The following DSCAML1 variants were observed in gnomAD, a reference collection of about 807,000 sequenced individuals.
The protein encoded by DSCAML1 is cell adhesion molecule DSCAML1.
A neutral mutation model predicts 200.5 loss-of-function variants in DSCAML1; 38 were observed. The ratio of observed to expected loss-of-function variants is 0.19; its 90% CI spans 0.15 to 0.25. The LOEUF is 0.25. Ranked by LOEUF, DSCAML1 falls within the 10% of genes least tolerant of loss-of-function variation. The probability of loss-of-function intolerance (pLI) is 1.00; values close to 1 mark genes in which losing one functional copy is unlikely to be tolerated. For synonymous variants in DSCAML1, 1,215 were observed against 1,165.0 expected (o/e 1.04, Z -0.87); for missense variants, 2,223 against 2,858.8 (o/e 0.78, Z 5.07).
intron 1 of DSCAML1, among the ~76,000 whole-genome samples, chr11:117,787,080 A>G (rs2055369812): frequency 6.6e-6 from 1 of 152,170 alleles, no homozygotes; most frequent in Non-Finnish European, 1.5e-5. Flanking sequence ...TACAGTAGTG[A>G]AAAGCCCACC....
chr11:117,532,416 C>T lies in DSCAML1; in HGVS notation c.618G>A (p.Gly206=), dbSNP rs762578493. Reference sequence around the variant, plus strand: ...GTGCCCCATTGCTCTGCCGGGTCTCCCCGCTATACTTGTGCTTGGTGATGC... The same window carrying T: ...GTGCCCCATTGCTCTGCCGGGTCTCTCCGCTATACTTGTGCTTGGTGATGC... The part of the protein sequence containing the change: ...YRCITKHKYS[G]ETRQSNGARL... Residue 206 remains glycine (G), a synonymous_variant, in exon 4 of 33, where the codon GGG becomes GGA. Transcript: ENST00000651296. The T allele has an allele frequency of 6.2e-7, 1 of 1,614,144 alleles. No homozygotes were observed. The highest frequency in any genetic ancestry group is 1.1e-5 in the South Asian group (1 of 91,078).
At chr11:117,682,717 A>G in intron 3 of DSCAML1, among the ~76,000 whole-genome samples, 1 of 152,162 alleles carries the variant, frequency 6.6e-6, no homozygotes, top group Admixed American at 6.5e-5. Context: ...CTCCCAGCCA[A>G]GCCTGGAGAG....
intron 1 of DSCAML1, among the ~76,000 whole-genome samples, chr11:117,816,376 G>A (rs1382319968): frequency 1.3e-5 from 2 of 152,228 alleles, no homozygotes; most frequent in Non-Finnish European, 2.9e-5. Flanking sequence ...CAACAGGGCC[G>A]AGCTGCCGTG....
intron 3 of DSCAML1, among the ~76,000 whole-genome samples, chr11:117,626,574 A>AT (rs769908145): frequency 6.6e-6 from 1 of 152,162 alleles, no homozygotes; most frequent in Non-Finnish European, 1.5e-5. Flanking sequence ...CCTTATTCAT[A>AT]AAGGGTGCTG....
chr11:117,428,619 G>C lies in DSCAML1; in HGVS notation c.5871C>G (p.His1957Gln). 2 of 1,609,250 alleles carry C rather than the reference G, an allele frequency of 1.2e-6. No homozygotes were observed. The highest frequency in any genetic ancestry group is 1.7e-6 in the Non-Finnish European group (2 of 1,178,176). ...TGGAGGCGGCAGCGGGGGCCCCTGG[G>C]TGGGGAAGGCCCAAGGACTTGCTGG... ...DPASKSLGLP[H>Q]PGAPAAASTA... The change falls in exon 33 of 33, where the codon CAC becomes CAG. Residue 1957 changes from histidine to glutamine, a missense_variant. By Grantham distance (24) the His-to-Gln change is conservative (BLOSUM62 0). Around this residue, in one of 7 missense-constraint regions of DSCAML1, gnomAD observed 280 missense variants for 213.4 expected, o/e 1.31. Coordinates refer to ENST00000651296, the MANE Select transcript of DSCAML1 (RefSeq NM_020693.4).
chr11:117,431,839 C>A (rs894032733), intron 30 of DSCAML1, 111 bp from the exon 31 acceptor site: 2 of 1,043,874 alleles, frequency 1.9e-6, no homozygotes, highest in Admixed American at 2.8e-5. Flanking sequence ...GCAGATGCAG[C>A]CACAGAAGCG....
chr11:117,437,764 C>T lies in DSCAML1; in HGVS notation c.4432+131G>A. Reference sequence around the variant, plus strand: ...TGACGGGAAGGAGGCTGAGGCTCCTCCCTTCAGTCTCCCTGCATCCCTGGA... The same window carrying T: ...TGACGGGAAGGAGGCTGAGGCTCCTTCCTTCAGTCTCCCTGCATCCCTGGA... On this transcript the variant is annotated intron_variant, in intron 25 of 32. Transcript: ENST00000651296. This position sits in a 1 kb window ranked among gnomAD's most constrained non-coding sequence, Gnocchi z 5.3. The T allele has an allele frequency of 2.9e-6, 3 of 1,034,410 alleles. No homozygotes were observed. In the South Asian group the frequency reaches 5.1e-5, roughly 18 times the overall value. 64.1% of individuals were successfully genotyped at this position (1,034,410 alleles called of 1,614,324 possible).
intron 11 of DSCAML1, among the ~76,000 whole-genome samples, chr11:117,486,280 G>GGATGTGAAAATGGCA (rs1426991371): frequency 6.3e-5 from 9 of 142,686 alleles, no homozygotes; most frequent in Non-Finnish European, 1.1e-4. Context: ...GGAAAGTGGC[G>GGATGTGAAAATGGCA]GATGTGAAAA....
At chr11:117,628,762 A>G (rs375324959) in intron 3 of DSCAML1, among the ~76,000 whole-genome samples, 55 of 152,132 alleles carry the variant, frequency 3.6e-4, no homozygotes, top group African/African-American at 1.3e-3. Context: ...ATCCTCCTAC[A>G]CTCTCATCTA....
At chr11:117,639,445 A>G (rs2052357266) in intron 3 of DSCAML1, among the ~76,000 whole-genome samples, 1 of 122,376 alleles carries the variant, frequency 8.2e-6, no homozygotes. Context: ...GATGGGTGGG[A>G]GGCTGGATGG....
chr11:117,543,766 G>A (rs955720791), intron 3 of DSCAML1, among the ~76,000 whole-genome samples: 7 of 151,548 alleles, frequency 4.6e-5, no homozygotes, highest in Non-Finnish European at 7.4e-5. Context: ...ATGAAAGGCT[G>A]TTGTGATGTA....
rs557688192 is a variant in DSCAML1, at chr11:117,568,976, A to G, written c.512-36454T>C. On this transcript the variant is annotated intron_variant, in intron 3 of 32. Coordinates refer to ENST00000651296, the MANE Select transcript of DSCAML1 (RefSeq NM_020693.4). The stretch of plus-strand genomic sequence containing the variant: ...ACTACCTGACTTCAAACTATACTAC[A>G]AGGCTACAGTAAGCAAAACAGCATG... Among the ~76,000 whole-genome samples the G allele has an allele frequency of 1.5e-3, 222 of 152,324 alleles. 1 individual carries two copies. The highest frequency in any genetic ancestry group is 5.1e-3 in the African/African-American group (214 of 41,572).
At position 117,654,792 on chromosome 11, in the gene DSCAML1, C is replaced by T. The variant is rs532950904; in HGVS notation, c.511+121999G>A. On this transcript the variant is annotated intron_variant, in intron 3 of 32. Coordinates refer to ENST00000651296, the MANE Select transcript of DSCAML1 (RefSeq NM_020693.4). ...GCACACCCACCCCTGTCCTCCCCATCGAGAACCATTTATCTGCGGCGTGGA... is the reference window on the plus strand; with the variant it reads ...GCACACCCACCCCTGTCCTCCCCATTGAGAACCATTTATCTGCGGCGTGGA... Among the ~76,000 whole-genome samples the T allele has an allele frequency of 2.6e-5, 4 of 152,274 alleles. No homozygotes were observed. In the South Asian group the frequency reaches 8.3e-4, roughly 32 times the overall value.
intron 3 of DSCAML1, among the ~76,000 whole-genome samples, chr11:117,734,337 G>A (rs377556798): frequency 6.6e-6 from 1 of 152,184 alleles, no homozygotes; most frequent in Non-Finnish European, 1.5e-5. Flanking sequence ...AAAAGGTGGG[G>A]AGAGATGGGT....
chr11:117,694,057 TTATA>T (rs35313833), intron 3 of DSCAML1, among the ~76,000 whole-genome samples: 22 of 116,614 alleles, frequency 1.9e-4, no homozygotes, highest in African/African-American at 4.5e-4. Flanking sequence ...GGTTCTATCT[TTATA>T]TATATATATA....
intron 3 of DSCAML1, among the ~76,000 whole-genome samples, chr11:117,695,119 A>C (rs960459780): frequency 4.6e-5 from 7 of 152,192 alleles, no homozygotes; most frequent in African/African-American, 1.4e-4. Flanking sequence ...ACAAGGTCCT[A>C]AAGAAAAGCA....
chr11:117,656,501 A>C (rs1036177687), intron 3 of DSCAML1, among the ~76,000 whole-genome samples: 1 of 87,748 alleles, frequency 1.1e-5, no homozygotes, highest in African/African-American at 3.9e-5. Flanking sequence ...TAAATCATCT[A>C]TCTATCTATC....
At chr11:117,788,128 C>T (rs1425489620) in intron 1 of DSCAML1, among the ~76,000 whole-genome samples, 1 of 152,196 alleles carries the variant, frequency 6.6e-6, no homozygotes, top group Admixed American at 6.5e-5. Context: ...GTTTCCCAGA[C>T]AGCATCAGAG....
chr11:117,619,224 A>G (rs529458937), intron 3 of DSCAML1, among the ~76,000 whole-genome samples: 76 of 152,270 alleles, frequency 5.0e-4, no homozygotes, highest in Non-Finnish European at 8.1e-4. Flanking sequence ...GGCTTTCTCT[A>G]TCCAACCTGG....
Sources: allele counts gnomAD v4.1 joint callset (sites outside exome capture counted in the v4.1 genomes callset), GRCh38; gene constraint gnomAD v4.1.1; regional missense constraint gnomAD v4.1.1; non-coding constraint Gnocchi (gnomAD v3.1); transcripts MANE v1.5; gene names NCBI Gene and HGNC (gene_info 2026-07-23, HGNC 2026-07-21).